DOCK4: variants seen among roughly 807,000 people sequenced by gnomAD.
DOCK4 encodes dedicator of cytokinesis 4.
DOCK4 carries 97 observed loss-of-function variants against 268.1 expected under a neutral mutation model. The ratio of observed to expected loss-of-function variants is 0.36; its 90% CI spans 0.31 to 0.43. The LOEUF (loss-of-function observed/expected upper bound fraction) is 0.43. Among genes scored for constraint, DOCK4 ranks in the 20% least tolerant of loss-of-function variants. The probability of loss-of-function intolerance (pLI) is 1.00; values close to 1 mark genes in which losing one functional copy is unlikely to be tolerated. For missense variants in DOCK4, 2,145 were observed against 2,455.7 expected (o/e 0.87, Z 2.67); for synonymous variants, 954 against 887.2 (o/e 1.08, Z -1.34).
At position 112,017,191 on chromosome 7, in the gene DOCK4, T is replaced by C. The variant is rs1801883816; in HGVS notation, c.38-13060A>G. ...GACTTACTGATATTCACAGAAGCTA[T>C]CACAAGTTATTAATTCTGTGGCATA... On this transcript the variant is annotated intron_variant, in intron 1 of 52. Transcript: ENST00000428084. Among the ~76,000 whole-genome samples, 2 of 152,212 alleles carry C rather than the reference T, an allele frequency of 1.3e-5. 1 individual carries two copies. Among genetic ancestry groups the C allele is most frequent in the South Asian group, 4.1e-4 (2 of 4,828 alleles).
chr7:111,778,267 C>T lies in DOCK4; in HGVS notation c.3679+9G>A, dbSNP rs777567824. ...TCCCTTCCCAATCTGAGCCAAAAGA[C>T]AGAATTACCTGTAAAGTTCTGTGCT... On this transcript the variant is annotated intron_variant, in intron 36 of 52. Coordinates refer to ENST00000428084, the MANE Select transcript of DOCK4 (RefSeq NM_001363540.2). The T allele has an allele frequency of 1.4e-5, 22 of 1,599,080 alleles. No homozygotes were observed. In the East Asian group the frequency reaches 4.7e-4, roughly 34 times the overall value.
At chr7:112,183,806 A>G (rs1162827562) in intron 1 of DOCK4, among the ~76,000 whole-genome samples, 1 of 152,172 alleles carries the variant, frequency 6.6e-6, no homozygotes, top group Non-Finnish European at 1.5e-5. Context: ...TTATGGGAGT[A>G]ATCCATGTGC....
chr7:111,808,888 G>A lies in DOCK4; in HGVS notation c.3108-9C>T. 1 of 1,611,944 alleles carries A rather than the reference G, an allele frequency of 6.2e-7. No individual in the cohort carries two copies. Among genetic ancestry groups the A allele is most frequent in the Non-Finnish European group, 8.5e-7 (1 of 1,179,066 alleles). ...CCCGCATGTCACCATACCTGAAATAGAACAAAAAACCAAACCTGATACAAT... is the reference window on the plus strand; with the variant it reads ...CCCGCATGTCACCATACCTGAAATAAAACAAAAAACCAAACCTGATACAAT... On this transcript the variant is annotated splice_polypyrimidine_tract_variant and intron_variant, in intron 29 of 52. Coordinates refer to ENST00000428084, the MANE Select transcript of DOCK4 (RefSeq NM_001363540.2).
intron 44 of DOCK4, among the ~76,000 whole-genome samples, chr7:111,745,533 A>T (rs535690090): frequency 2.6e-4 from 40 of 151,932 alleles, no homozygotes; most frequent in African/African-American, 9.2e-4. Flanking sequence ...ATGCAAAAAA[A>T]ATTAGCCAGG....
At chr7:112,200,074 T>C (rs1480122525) in intron 1 of DOCK4, among the ~76,000 whole-genome samples, 1 of 152,212 alleles carries the variant, frequency 6.6e-6, no homozygotes, top group Non-Finnish European at 1.5e-5. Context: ...GCCAATGTCA[T>C]GAAAGGAACT....
At chr7:111,834,847 T>C (rs1233918684) in intron 25 of DOCK4, among the ~76,000 whole-genome samples, 161 bp from the exon 26 acceptor site, 1 of 152,054 alleles carries the variant, frequency 6.6e-6, no homozygotes, top group Non-Finnish European at 1.5e-5. Flanking sequence ...TTATCCAAAA[T>C]GTCACAGCCA....
At chr7:112,109,214 T>A (rs1811407169) in intron 1 of DOCK4, among the ~76,000 whole-genome samples, 2 of 152,048 alleles carry the variant, frequency 1.3e-5, no homozygotes, top group African/African-American at 4.8e-5. Flanking sequence ...TGCTCATGAG[T>A]ACTGCAGCAC....
intron 27 of DOCK4, among the ~76,000 whole-genome samples, chr7:111,815,307 G>A (rs576002737): frequency 6.6e-6 from 1 of 152,134 alleles, no homozygotes; most frequent in Non-Finnish European, 1.5e-5. Context: ...AGTTCCCAGA[G>A]CTTTCTATGG....
intron 1 of DOCK4, among the ~76,000 whole-genome samples, chr7:112,146,552 C>T (rs530095024): frequency 4.6e-5 from 7 of 152,124 alleles, no homozygotes; most frequent in African/African-American, 1.2e-4. Context: ...GGCAATGTGG[C>T]GAAACCTCAT....
chr7:112,122,666 G>T (rs6952978), intron 1 of DOCK4, among the ~76,000 whole-genome samples: 56,248 of 151,942 alleles, frequency 0.37, 10,529 homozygotes, highest in East Asian at 0.6. Context: ...TTTATTGAGA[G>T]GATGATATAT....
At chr7:111,955,963 A>G (rs1441797538) in intron 8 of DOCK4, among the ~76,000 whole-genome samples, 4 of 152,194 alleles carry the variant, frequency 2.6e-5, no homozygotes, top group African/African-American at 9.7e-5. Context: ...CTCTCTGGAG[A>G]ACTCATTAAG....
chr7:111,782,017 C>T (rs1798815098), intron 35 of DOCK4, among the ~76,000 whole-genome samples: 1 of 152,062 alleles, frequency 6.6e-6, no homozygotes, highest in African/African-American at 2.4e-5. Flanking sequence ...GAAAAAGAAA[C>T]CATGAGATTC....
chr7:111,824,975 A>G (rs1354096376), intron 26 of DOCK4, among the ~76,000 whole-genome samples: 1 of 152,166 alleles, frequency 6.6e-6, no homozygotes, highest in Non-Finnish European at 1.5e-5. Context: ...CTTATAAGAA[A>G]AATAAAAGAG....
At chr7:112,055,786 T>TA (rs1173845133) in intron 1 of DOCK4, among the ~76,000 whole-genome samples, 1 of 151,464 alleles carries the variant, frequency 6.6e-6, no homozygotes, top group Non-Finnish European at 1.5e-5. Flanking sequence ...TGGGCGCCTG[T>TA]AAACCCAGCT....
In DOCK4 at chr7:112,004,114, C is replaced by T. The variant is rs776844038; in HGVS notation, c.55G>A (p.Gly19Arg). 2 of 1,594,240 alleles carry T rather than the reference C, an allele frequency of 1.3e-6. No homozygotes were observed. Among genetic ancestry groups the T allele is most frequent in the Middle Eastern group, 1.6e-4 (1 of 6,062 alleles). Reference sequence around the variant, plus strand: ...AATGACAGGCCATATGGAACGGTTCCTCGGAAACTGGCAATAACTGTAAAA... The same window carrying T: ...AATGACAGGCCATATGGAACGGTTCTTCGGAAACTGGCAATAACTGTAAAA... ...KYGVVIASFR[G>R]TVPYGLSLEI... is the part of the protein sequence containing the mutation. The change falls in exon 2 of 53, where the codon GGA (glycine) becomes AGA (arginine). Residue 19 changes from glycine to arginine, a missense_variant. This residue lies in a region of DOCK4 where 1,598 missense variants were observed against 1,986.7 expected (regional missense o/e 0.80). Transcript: ENST00000428084.
intron 23 of DOCK4, among the ~76,000 whole-genome samples, chr7:111,849,071 T>C (rs937132863): frequency 1.3e-5 from 2 of 152,204 alleles, no homozygotes; most frequent in Non-Finnish European, 2.9e-5. Context: ...CTGACTCCCA[T>C]CCTGTGGAGT....
intron 42 of DOCK4, among the ~76,000 whole-genome samples, chr7:111,748,425 G>C (rs2133489819): frequency 6.6e-6 from 1 of 152,130 alleles, no homozygotes; most frequent in South Asian, 2.1e-4. Flanking sequence ...GGAAGAAAAA[G>C]GCAAACGACC....
At chr7:111,769,708 G>C in intron 36 of DOCK4, 31 bp from the exon 37 acceptor site, 1 of 1,597,704 alleles carries the variant, frequency 6.3e-7, no homozygotes, top group South Asian at 1.1e-5. Context: ...CAATGATTGA[G>C]ACAGGACCCC....
chr7:112,135,951 T>A (rs181457611), intron 1 of DOCK4, among the ~76,000 whole-genome samples: 1 of 152,288 alleles, frequency 6.6e-6, no homozygotes, highest in Admixed American at 6.5e-5. Flanking sequence ...CAAATGATAA[T>A]CTAAATCTTC....
Sources: allele counts gnomAD v4.1 joint callset (sites outside exome capture counted in the v4.1 genomes callset), GRCh38; gene constraint gnomAD v4.1.1; regional missense constraint gnomAD v4.1.1; transcripts MANE v1.5; gene names NCBI Gene and HGNC (gene_info 2026-07-23, HGNC 2026-07-21).